The following PSMA1 variants were observed in gnomAD, a reference collection of about 807,000 sequenced individuals.
PSMA1 encodes proteasome 20S subunit alpha 1, also known as proteasome subunit alpha type-1.
In PSMA1, 3 loss-of-function variants were observed where a neutral mutation model predicts 38.4. The ratio of observed to expected loss-of-function variants is 0.08; its 90% confidence interval spans 0.04 to 0.20. The LOEUF is 0.20. Ranked by LOEUF, PSMA1 falls within the 10% of genes least tolerant of loss-of-function variation. The pLI is 1.00. For synonymous variants in PSMA1, 101 were observed against 107.1 expected (o/e 0.94, Z 0.35); for missense variants, 227 against 325.3 (o/e 0.70, Z 2.32).
At chr11:14,514,201 G>C in intron 5 of PSMA1, 1 of 1,346,362 alleles carries the variant, frequency 7.4e-7, no homozygotes, top group Non-Finnish European at 9.5e-7. Flanking sequence ...AAGATGCTTA[G>C]ATGATTTTCC....
At chr11:14,530,685 T>C (rs2575840) in intron 2 of PSMA1, among the ~76,000 whole-genome samples, 100,800 of 151,888 alleles carry the variant, frequency 0.66, 33,670 homozygotes, top group African/African-American at 0.7. Context: ...GGGCAGATCA[T>C]GAGGTCAGGA....
intron 1 of PSMA1, among the ~76,000 whole-genome samples, chr11:14,622,325 C>T (rs754014708): frequency 2.6e-5 from 4 of 152,160 alleles, no homozygotes; most frequent in Non-Finnish European, 5.9e-5. Context: ...TTCAATTACA[C>T]TTTTGACTTA....
At chr11:14,541,293 G>T (rs995165518) in intron 2 of PSMA1, among the ~76,000 whole-genome samples, 2 of 152,180 alleles carry the variant, frequency 1.3e-5, no homozygotes, top group East Asian at 3.8e-4. Context: ...AAATAAGCCT[G>T]TATGCTTCTG....
At chr11:14,512,419 T>C (rs1851360382) in intron 7 of PSMA1, among the ~76,000 whole-genome samples, 2 of 152,086 alleles carry the variant, frequency 1.3e-5, no homozygotes, top group Non-Finnish European at 2.9e-5. Flanking sequence ...AATGAAGATA[T>C]TCCATGTTCA....
At chr11:14,600,466 G>A (rs537499900) in intron 2 of PSMA1, among the ~76,000 whole-genome samples, 17 of 152,246 alleles carry the variant, frequency 1.1e-4, no homozygotes, top group Admixed American at 2.6e-4. Context: ...GCCCCTCCCC[G>A]AGCCAGGCTG....
upstream of PSMA1, among the ~76,000 whole-genome samples, chr11:14,523,051 C>G (rs1851546343): frequency 6.6e-6 from 1 of 152,178 alleles, no homozygotes; most frequent in African/African-American, 2.4e-5. Context: ...AAGCAAATAT[C>G]TGGGGCTTTG....
chr11:14,607,432 T>A (rs1565057201), intron 2 of PSMA1, among the ~76,000 whole-genome samples: 1 of 152,230 alleles, frequency 6.6e-6, no homozygotes, highest in Non-Finnish European at 1.5e-5. Flanking sequence ...CCAGGGTTGC[T>A]TCTGACCCCA....
chr11:14,606,871 G>A (rs1159188531), intron 2 of PSMA1, among the ~76,000 whole-genome samples: 2 of 152,182 alleles, frequency 1.3e-5, no homozygotes, highest in Non-Finnish European at 2.9e-5. Flanking sequence ...AGCTGCTAAA[G>A]GCCAGAATTG....
chr11:14,608,360 T>C (rs183210244), intron 2 of PSMA1, among the ~76,000 whole-genome samples: 54 of 151,274 alleles, frequency 3.6e-4, no homozygotes, highest in Admixed American at 1.8e-3. Flanking sequence ...ATTATATATA[T>C]ATATATAAAA....
At chr11:14,558,271 A>AAT in intron 2 of PSMA1, among the ~76,000 whole-genome samples, 1 of 150,058 alleles carries the variant, frequency 6.7e-6, no homozygotes, top group East Asian at 1.9e-4. Flanking sequence ...AAAAAAAAAA[A>AAT]TACTGTGCAT....
intron 1 of PSMA1, among the ~76,000 whole-genome samples, chr11:14,632,517 G>A (rs1853035243): frequency 1.4e-5 from 2 of 146,790 alleles, no homozygotes; most frequent in African/African-American, 5.2e-5. Context: ...TGGCTTGTAG[G>A]GTTTCTGCCG....
At chr11:14,627,984 C>G (rs1852936485) in intron 1 of PSMA1, among the ~76,000 whole-genome samples, 1 of 152,120 alleles carries the variant, frequency 6.6e-6, no homozygotes, top group Non-Finnish European at 1.5e-5. Context: ...TGTTAGGAAC[C>G]AGGCTGCACA....
At chr11:14,638,558 TATATATATATATATATATA>T (rs1853148293) in intron 1 of PSMA1, among the ~76,000 whole-genome samples, 1 of 11,702 alleles carries the variant, frequency 8.5e-5, no homozygotes, top group Non-Finnish European at 1.8e-4. Flanking sequence ...TATATATATA[TATATATATATATATATATA>T]TATATATATT....
intron 2 of PSMA1, among the ~76,000 whole-genome samples, chr11:14,530,996 T>C (rs1023622313): frequency 1.3e-5 from 2 of 152,054 alleles, no homozygotes; most frequent in African/African-American, 2.4e-5. Context: ...AAAGTTGAAG[T>C]CTAAAACTCT....
chr11:14,520,489 C>G (rs1168774270), upstream of PSMA1: 2 of 1,455,362 alleles, frequency 1.4e-6, no homozygotes, highest in Non-Finnish European at 1.8e-6. Flanking sequence ...TTTCCGACCG[C>G]TCGGCGGCGG....
At chr11:14,546,297 T>A (rs1297691650) in intron 2 of PSMA1, among the ~76,000 whole-genome samples, 1 of 151,928 alleles carries the variant, frequency 6.6e-6, no homozygotes, top group Non-Finnish European at 1.5e-5. Context: ...ATTGTGACCC[T>A]CCCCTTTTTT....
chr11:14,618,482 C>T (rs1442959432), intron 1 of PSMA1, among the ~76,000 whole-genome samples: 2 of 152,198 alleles, frequency 1.3e-5, no homozygotes, highest in Non-Finnish European at 2.9e-5. Flanking sequence ...TTTCCTTGAA[C>T]AATCAAGCCT....
chr11:14,637,636 A>T (rs538821916), intron 1 of PSMA1, among the ~76,000 whole-genome samples: 16 of 152,242 alleles, frequency 1.1e-4, no homozygotes, highest in African/African-American at 3.6e-4. Flanking sequence ...TAGGCCCTAA[A>T]TCAACATCTT....
intron 1 of PSMA1, among the ~76,000 whole-genome samples, chr11:14,632,810 G>T (rs1163417547): frequency 6.6e-6 from 1 of 151,884 alleles, no homozygotes; most frequent in Non-Finnish European, 1.5e-5. Flanking sequence ...ACACCAATCA[G>T]ACGTAGATTT....
Sources: gnomAD v4.1 joint callset for allele counts (sites outside exome capture counted in the v4.1 genomes callset) on GRCh38, gnomAD v4.1.1 for gene constraint, MANE v1.5 for transcripts, NCBI Gene and HGNC (gene_info 2026-07-23, HGNC 2026-07-21) for gene names.